Variants in ASXL3 observed in about 807,000 individuals in gnomAD.
ASXL3 encodes putative Polycomb group protein ASXL3.
A neutral mutation model predicts 170.6 loss-of-function variants in ASXL3; 34 were observed. The observed-to-expected ratio is 0.20, with a 90% CI of 0.15 to 0.27. The LOEUF is 0.27. Among genes scored for constraint, ASXL3 ranks in the 10% least tolerant of loss-of-function variants. ASXL3 has a pLI of 1.00. For missense variants in ASXL3, 2,592 were observed against 2,695.3 expected (o/e 0.96, Z 0.85); for synonymous variants, 1,002 against 989.1 (o/e 1.01, Z -0.24).
At chr18:33,619,341 G>T (rs988571618) in intron 2 of ASXL3, among the ~76,000 whole-genome samples, 1 of 151,658 alleles carries the variant, frequency 6.6e-6, no homozygotes, top group Non-Finnish European at 1.5e-5. Context: ...CCTGATTATT[G>T]CTATCCTATA....
chr18:33,646,164 G>T, intron 3 of ASXL3, 81 bp from the exon 4 acceptor site: 1 of 1,001,250 alleles, frequency 1.0e-6, no homozygotes, highest in African/African-American at 1.6e-5. Flanking sequence ...TGATCATACT[G>T]TAGGATTCTG....
chr18:33,580,320 G>A (rs1324120522), intron 1 of ASXL3, among the ~76,000 whole-genome samples: 2 of 152,172 alleles, frequency 1.3e-5, no homozygotes, highest in Non-Finnish European at 2.9e-5. Flanking sequence ...AGTTTTTGCT[G>A]GAGCATAGTA....
At chr18:33,724,092 T>C (rs982119827) in intron 8 of ASXL3, among the ~76,000 whole-genome samples, 1 of 152,196 alleles carries the variant, frequency 6.6e-6, no homozygotes, top group Non-Finnish European at 1.5e-5. Context: ...ACTTACTTTT[T>C]TGCAACATTC....
At position 33,631,846 on chromosome 18, in the gene ASXL3, T is replaced by A. The variant is rs149442680; in HGVS notation, c.138-13048T>A. Among the ~76,000 whole-genome samples the A allele has an allele frequency of 1.7e-3, 264 of 152,238 alleles. 2 individuals carry two copies. Among genetic ancestry groups the A allele is most frequent in the African/African-American group, 6.1e-3 (253 of 41,554 alleles). ...TTGAAGACCACTAACTTGAAACAAG[T>A]TTACAGAATATTTTAAACCATTTGA... On this transcript the variant is annotated intron_variant, in intron 2 of 11. Transcript: ENST00000269197.
intron 5 of ASXL3, among the ~76,000 whole-genome samples, chr18:33,662,972 T>C (rs777163597): frequency 6.6e-6 from 1 of 152,182 alleles, no homozygotes; most frequent in Non-Finnish European, 1.5e-5. Context: ...TGAATTATGT[T>C]ACCTTCCTAT....
rs8086318 is a variant in ASXL3, at chr18:33,683,356, G to A, written c.716-49G>A. 945,798 of 1,530,680 alleles carry A rather than the reference G, an allele frequency of 0.62. 298,499 individuals are homozygous for A. The highest frequency in any genetic ancestry group is 0.98 in the East Asian group (42,951 of 43,692). The allele number at this position is 1,530,680 out of a possible 1,614,324, so 94.8% of individuals were successfully genotyped here. A position where few individuals can be genotyped will look rare whatever the true frequency, so the allele number is the denominator to read the frequency against. On this transcript the variant is annotated intron_variant, in intron 7 of 11. Transcript: ENST00000269197. ...TGTGTTTGTGTGTACGTACGTACAC[G>A]TTTCCCTCTACCTGTAGTAAATTCA...
At chr18:33,726,974 C>A (rs2067362682) in intron 8 of ASXL3, among the ~76,000 whole-genome samples, 1 of 152,168 alleles carries the variant, frequency 6.6e-6, no homozygotes, top group Non-Finnish European at 1.5e-5. Flanking sequence ...TGTTTCCCAG[C>A]TAGCTGTGTG....
rs2067757973 is a variant in ASXL3 at position 33,745,218 on chromosome 18, A to G, written c.5370A>G (p.Thr1790=). 1 of 1,614,040 alleles carries G rather than the reference A, an allele frequency of 6.2e-7. No individual in the cohort carries two copies. The change falls in exon 12 of 12, where the codon ACA becomes ACG. Residue 1790 remains threonine, a synonymous_variant. Coordinates refer to ENST00000269197, the MANE Select transcript of ASXL3 (RefSeq NM_030632.3). ...LPLQTTSVGK[T]APERNVEIPP... ...TTCAAACTACCTCAGTGGGTAAAACAGCACCAGAGAGAAACGTTGAAATTC... is the reference window on the plus strand; with the variant it reads ...TTCAAACTACCTCAGTGGGTAAAACGGCACCAGAGAGAAACGTTGAAATTC...
Position 33,745,491 on chromosome 18 carries a change from G to A in ASXL3, c.5643G>A (p.Lys1881=), listed in dbSNP as rs769870540. 3 of 1,614,012 alleles carry A rather than the reference G, an allele frequency of 1.9e-6. No individual in the cohort carries two copies. The highest frequency in any genetic ancestry group is 2.5e-6 in the Non-Finnish European group (3 of 1,179,898). ...SQPFKQEWLN[K]HSMQNRIVHS... ...CATTTAAGCAAGAATGGCTAAACAA[G>A]CACTCCATGCAGAACAGAATTGTTC... is the stretch of plus-strand genomic sequence containing the variant. Residue 1881 remains lysine (K), a synonymous_variant, in exon 12 of 12, where the codon AAG becomes AAA. Coordinates refer to ENST00000269197, the MANE Select transcript of ASXL3 (RefSeq NM_030632.3).
At chr18:33,607,521 T>C in intron 1 of ASXL3, 73 bp from the exon 2 acceptor site, 1 of 1,201,656 alleles carries the variant, frequency 8.3e-7, no homozygotes, top group South Asian at 1.3e-5. Flanking sequence ...AAGCAGAGAA[T>C]GCATGATTCA....
At chr18:33,648,788 A>T (rs555075516) in intron 4 of ASXL3, among the ~76,000 whole-genome samples, 1 of 152,128 alleles carries the variant, frequency 6.6e-6, no homozygotes, top group Non-Finnish European at 1.5e-5. Context: ...AAGTAAATGG[A>T]CACGGTAAGA....
At chr18:33,694,966 T>C (rs910612326) in intron 8 of ASXL3, among the ~76,000 whole-genome samples, 2 of 152,166 alleles carry the variant, frequency 1.3e-5, no homozygotes, top group East Asian at 1.9e-4. Flanking sequence ...TCAGTGTATA[T>C]ATTTAAAGAA....
chr18:33,689,876 AC>A (rs2066659904), intron 8 of ASXL3, among the ~76,000 whole-genome samples: 1 of 152,142 alleles, frequency 6.6e-6, no homozygotes. Flanking sequence ...ACACACACAG[AC>A]ACACGTGTGT....
chr18:33,740,036 C>G lies in ASXL3; in HGVS notation c.2632C>G (p.Pro878Ala), dbSNP rs1183265030. ...GCAAAGAACAGAAAAAAAAGTGTTA[C>G]CTTCACCATTGGAATTATCTGTCTT... ...VLQRTEKKVLPSPLELSVFSE... is the reference protein window; with the variant it reads ...VLQRTEKKVLASPLELSVFSE... Residue 878 changes from proline (P) to alanine (A), a missense_variant, in exon 11 of 12, where the codon CCT becomes GCT. Physicochemically the swap from Pro to Ala is conservative, Grantham distance 27 (BLOSUM62 -1). Coordinates refer to ENST00000269197, the MANE Select transcript of ASXL3 (RefSeq NM_030632.3). 3.7e-6 allele frequency: 6 copies of G among 1,613,834 alleles called. No individual in the cohort carries two copies. In the South Asian group the frequency reaches 4.4e-5, roughly 12 times the overall value.
Position 33,745,183 on chromosome 18 carries a change from C to A in ASXL3, c.5335C>A (p.Pro1779Thr), listed in dbSNP as rs769336687. The A allele has an allele frequency of 1.2e-6, 2 of 1,613,906 alleles. No homozygotes were observed. Among genetic ancestry groups the A allele is most frequent in the Non-Finnish European group, 1.7e-6 (2 of 1,179,900 alleles). Residue 1779 changes from proline to threonine, a missense_variant, in exon 12 of 12, where the codon CCA (proline) becomes ACA (threonine). By Grantham distance (38) the Pro-to-Thr change is conservative (BLOSUM62 -1). Transcript: ENST00000269197. ...AGCCAAGCTTGAAATCAACAGGCTTCCATTGCCTCTTCAAACTACCTCAGT... is the reference window on the plus strand; with the variant it reads ...AGCCAAGCTTGAAATCAACAGGCTTACATTGCCTCTTCAAACTACCTCAGT... Reference protein sequence around the residue: ...LGAKLEINRLPLPLQTTSVGK... With the variant: ...LGAKLEINRLTLPLQTTSVGK...
intron 1 of ASXL3, among the ~76,000 whole-genome samples, chr18:33,583,970 C>G (rs963171390): frequency 2.6e-5 from 4 of 151,920 alleles, no homozygotes; most frequent in African/African-American, 9.7e-5. Flanking sequence ...GGTAGAGGAA[C>G]AAGAAAAAGT....
At chr18:33,619,935 T>A (rs1339626671) in intron 2 of ASXL3, among the ~76,000 whole-genome samples, 1 of 152,072 alleles carries the variant, frequency 6.6e-6, no homozygotes, top group Non-Finnish European at 1.5e-5. Context: ...GAGATACGTG[T>A]CTAGGCAAAG....
intron 2 of ASXL3, among the ~76,000 whole-genome samples, chr18:33,616,229 T>G (rs901330401): frequency 1.3e-5 from 2 of 152,134 alleles, no homozygotes; most frequent in African/African-American, 4.8e-5. Context: ...TTCAGCACAA[T>G]CCTAATCGAC....
Position 33,743,637 on chromosome 18 carries a change from C to G in ASXL3, c.3789C>G (p.Val1263=). The change falls in exon 12 of 12, where the codon GTC becomes GTG. Residue 1263 remains valine, a synonymous_variant. Transcript: ENST00000269197. The part of the protein sequence containing the change: ...PFVSSVDKSS[V]LMSVDSANTT... The stretch of plus-strand genomic sequence containing the variant: ...TGAGTTCTGTTGATAAATCCTCTGT[C>G]CTAATGTCTGTTGACAGTGCAAACA... The G allele has an allele frequency of 6.2e-7, 1 of 1,613,660 alleles. No individual in the cohort carries two copies. The highest frequency in any genetic ancestry group is 8.5e-7 in the Non-Finnish European group (1 of 1,179,870).
Sources: allele counts gnomAD v4.1 joint callset (sites outside exome capture counted in the v4.1 genomes callset), GRCh38; gene constraint gnomAD v4.1.1; transcripts MANE v1.5; gene names NCBI Gene and HGNC (gene_info 2026-07-23, HGNC 2026-07-21).